Variants in LRCH2 observed in about 807,000 individuals in gnomAD.
LRCH2 encodes the protein leucine-rich repeat and calponin homology domain-containing protein 2.
In LRCH2, 38 loss-of-function variants were observed where a neutral mutation model predicts 68.9. The ratio of observed to expected loss-of-function variants is 0.55; its 90% CI spans 0.43 to 0.72. The LOEUF (loss-of-function observed/expected upper bound fraction) is 0.72, where lower values mean the gene tolerates loss of function less well. Among genes scored for constraint, LRCH2 ranks in the 30% least tolerant of loss-of-function variants. The pLI is 0.00. For missense variants in LRCH2, 528 were observed against 572.9 expected, an observed-to-expected ratio of 0.92 and a Z score of 0.80; for synonymous variants, 191 against 208.1, an observed-to-expected ratio of 0.92 and a Z score of 0.71.
intron 15 of LRCH2, 45 bp from the exon 16 acceptor site, chrX:115,126,938 AATG>A (rs2072205500): frequency 1.5e-5 from 12 of 821,947 alleles, no homozygotes; most frequent in Admixed American, 4.9e-5. Context: ...TTACAATACA[AATG>A]ATGATTTAAA....
chrX:115,161,460 C>G (rs1481516487), intron 11 of LRCH2, among the ~76,000 whole-genome samples: 2 of 111,527 alleles, frequency 1.8e-5, no homozygotes, highest in Non-Finnish European at 3.8e-5. Flanking sequence ...AATATTTAAT[C>G]TAAAAAGTTC....
intron 14 of LRCH2, among the ~76,000 whole-genome samples, chrX:115,132,380 T>C (rs914771260): frequency 3.6e-5 from 4 of 111,635 alleles, no homozygotes; most frequent in African/African-American, 1.3e-4. Context: ...TTGTCAAAGA[T>C]CAGATGGTTG....
At position 115,111,619 on chromosome X, in the gene LRCH2, A is replaced by C. The variant is rs1174414950; in HGVS notation, c.*1597T>G. On this transcript the variant is annotated 3_prime_UTR_variant, in exon 21 of 21. Coordinates refer to ENST00000317135, the MANE Select transcript of LRCH2 (RefSeq NM_020871.4). ...ATATTTAAAATAATAAATTACTAAT[A>C]ATTTAATTCTTAAACCATATACTCA... 1 of 111,388 alleles carries C rather than the reference A, an allele frequency of 9.0e-6. No individual in the cohort carries two copies. The highest frequency in any genetic ancestry group is 1.9e-5 in the Non-Finnish European group (1 of 52,911). The allele number at this position is 111,388 out of a possible 1,213,427, so 9.2% of individuals were successfully genotyped here. A position where few individuals can be genotyped will look rare whatever the true frequency, so the allele number is the denominator to read the frequency against.
chrX:115,125,630 C>CAT (rs1391724959), intron 16 of LRCH2, among the ~76,000 whole-genome samples: 1 of 71,665 alleles, frequency 1.4e-5, no homozygotes, highest in African/African-American at 5.6e-5. Context: ...TATATATATA[C>CAT]ATATATATAC....
intron 5 of LRCH2, among the ~76,000 whole-genome samples, chrX:115,178,281 A>G (rs782810985): frequency 1.7e-4 from 19 of 112,188 alleles, no homozygotes; most frequent in Admixed American, 1.0e-3. Context: ...GGTGTTTAAT[A>G]TGGGAGCTAC....
rs184887014 is a variant in LRCH2, at chrX:115,129,914, C to T, written c.1740+241G>A. Among the ~76,000 whole-genome samples, 8 of 110,686 alleles carry T rather than the reference C, an allele frequency of 7.2e-5. No homozygotes were observed. The East Asian group carries it at 1.4e-3, about 20-fold the overall frequency. On this transcript the variant is annotated intron_variant, in intron 15 of 20. Transcript: ENST00000317135. ...ACACTCACATATGACAGGTCTAAGA[C>T]GAATGATGATAAAATTCTAAAACTG...
intron 1 of LRCH2, chrX:115,189,765 A>G (rs1556556393): frequency 8.6e-7 from 1 of 1,166,376 alleles, no homozygotes; most frequent in South Asian, 1.9e-5. Context: ...CAAGGTTCTC[A>G]CACAGAACCC....
intron 1 of LRCH2, among the ~76,000 whole-genome samples, chrX:115,222,285 C>A (rs1024330846): frequency 1.9e-4 from 21 of 111,837 alleles, no homozygotes; most frequent in Admixed American, 8.5e-4. Flanking sequence ...CCGAAAAAAA[C>A]AGAGCTAACA....
intron 1 of LRCH2, among the ~76,000 whole-genome samples, chrX:115,195,074 G>T (rs2072877240): frequency 9.0e-6 from 1 of 110,947 alleles, no homozygotes; most frequent in Non-Finnish European, 1.9e-5. Context: ...CACAAGGTCA[G>T]GAGTTCAAGA....
At position 115,114,146 on chromosome X, in the gene LRCH2, T is replaced by C. The variant is rs182880358; in HGVS notation, c.2179-811A>G. Among the ~76,000 whole-genome samples the C allele has an allele frequency of 1.7e-3, 187 of 111,392 alleles. 1 individual carries two copies. The highest frequency in any genetic ancestry group is 3.1e-3 in the Non-Finnish European group (164 of 52,760). On this transcript the variant is annotated intron_variant, in intron 20 of 20. Transcript: ENST00000317135. ...ACAGAACTACTTTACCAAATTAATT[T>C]GCCCTTCTGCGATCCATGTCTTAGT...
In LRCH2 at chrX:115,111,135, C is replaced by T. The variant is rs2072040085; in HGVS notation, c.*2081G>A. 1 of 111,428 alleles carries T rather than the reference C, an allele frequency of 9.0e-6. No individual in the cohort carries two copies. The highest frequency in any genetic ancestry group is 3.3e-5 in the African/African-American group (1 of 30,681). 9.2% of individuals were successfully genotyped at this position (111,428 alleles called of 1,213,427 possible). The stretch of plus-strand genomic sequence containing the variant: ...TGAAACTGCTTTAGACGTGGTGTTG[C>T]CATTTGGCACAAGAGTAAATGAACT... On this transcript the variant is annotated 3_prime_UTR_variant, in exon 21 of 21. Transcript: ENST00000317135.
At chrX:115,130,046 T>C in intron 15 of LRCH2, 109 bp downstream of exon 15, 1 of 401,327 alleles carries the variant, frequency 2.5e-6, no homozygotes. Context: ...AACCATGCAT[T>C]AAATCAATAA....
chrX:115,169,522 A>G (rs1205131916), intron 6 of LRCH2, among the ~76,000 whole-genome samples: 2 of 111,633 alleles, frequency 1.8e-5, no homozygotes, highest in Non-Finnish European at 3.8e-5. Context: ...AAAATATTCA[A>G]GAAAAAGTCC....
rs182553379 is a variant in LRCH2 at position 115,170,895 on chromosome X, A to T, written c.865-463T>A. Among the ~76,000 whole-genome samples the T allele has an allele frequency of 4.4e-4, 49 of 111,966 alleles. No homozygotes were observed. In the East Asian group the frequency reaches 0.011, roughly 24 times the overall value. ...CTAACATAAAAAATATAAATATAGG[A>T]AAAATGAATTTTTTGAAAGGTACGA... On this transcript the variant is annotated intron_variant, in intron 5 of 20. Transcript: ENST00000317135.
At chrX:115,175,228 C>T (rs1377224622) in intron 5 of LRCH2, among the ~76,000 whole-genome samples, 1 of 111,318 alleles carries the variant, frequency 9.0e-6, no homozygotes, top group Non-Finnish European at 1.9e-5. Flanking sequence ...TCTCCAGACG[C>T]CCCTCCCCTG....
chrX:115,116,854 T>C (rs1347093400), intron 20 of LRCH2, among the ~76,000 whole-genome samples: 1 of 110,927 alleles, frequency 9.0e-6, no homozygotes, highest in African/African-American at 3.3e-5. Flanking sequence ...AAAGAAATCT[T>C]TGTGGCCTTG....
At chrX:115,157,455 G>T (rs1603046613) in intron 11 of LRCH2, among the ~76,000 whole-genome samples, 1 of 108,595 alleles carries the variant, frequency 9.2e-6, no homozygotes, top group Non-Finnish European at 1.9e-5. Flanking sequence ...AATACATAAT[G>T]AATTAAATAT....
chrX:115,132,189 T>G (rs1407370135), intron 14 of LRCH2, among the ~76,000 whole-genome samples: 3 of 112,036 alleles, frequency 2.7e-5, no homozygotes, highest in African/African-American at 9.7e-5. Context: ...TGCCTAGGTT[T>G]TCTTCTAGGG....
intron 1 of LRCH2, among the ~76,000 whole-genome samples, chrX:115,218,040 T>G (rs1445881740): frequency 1.8e-5 from 2 of 111,626 alleles, no homozygotes; most frequent in African/African-American, 6.5e-5. Flanking sequence ...TTGAGAAGTG[T>G]CTGTTCATAT....
Sources: allele counts gnomAD v4.1 joint callset (sites outside exome capture counted in the v4.1 genomes callset), GRCh38; gene constraint gnomAD v4.1.1; transcripts MANE v1.5; gene names NCBI Gene and HGNC (gene_info 2026-07-23, HGNC 2026-07-21).